Variants in LRP1B observed in about 807,000 individuals in gnomAD.
LRP1B encodes the protein low-density lipoprotein receptor-related protein 1B.
LRP1B carries 217 observed loss-of-function variants against 556.6 expected under a neutral mutation model. The ratio of observed to expected loss-of-function variants is 0.39; its 90% CI spans 0.35 to 0.44. LRP1B has a LOEUF of 0.44. LRP1B is among the 20% of genes least tolerant of loss of function. The pLI, the probability that LRP1B is intolerant of heterozygous loss-of-function variation, is 1.00. For missense variants in LRP1B, 5,053 were observed against 5,620.8 expected, an observed-to-expected ratio of 0.90 and a Z score of 3.23; for synonymous variants, 2,047 against 1,865.8, an observed-to-expected ratio of 1.10 and a Z score of -2.50.
intron 3 of LRP1B, among the ~76,000 whole-genome samples, chr2:141,473,551 G>GACCTACCAT (rs1559090934): frequency 6.6e-6 from 1 of 152,120 alleles, no homozygotes; most frequent in African/African-American, 2.4e-5. Flanking sequence ...CCTTACACCT[G>GACCTACCAT]AGATAGGCTT....
chr2:140,737,879 C>T (rs74646058), intron 35 of LRP1B, among the ~76,000 whole-genome samples: 1 of 152,294 alleles, frequency 6.6e-6, no homozygotes, highest in African/African-American at 2.4e-5. Flanking sequence ...GCAGCTGCTA[C>T]GCCAGATGAG....
chr2:141,744,822 T>C (rs1363718569), intron 2 of LRP1B, among the ~76,000 whole-genome samples: 1 of 152,174 alleles, frequency 6.6e-6, no homozygotes, highest in Non-Finnish European at 1.5e-5. Context: ...GGCTTGTTTG[T>C]ACCCATCCTT....
chr2:140,349,365 T>G (rs1468525253), intron 77 of LRP1B, among the ~76,000 whole-genome samples: 3 of 151,984 alleles, frequency 2.0e-5, no homozygotes, highest in Non-Finnish European at 4.4e-5. Context: ...GCAAAGAACA[T>G]TTTGCCAATT....
intron 1 of LRP1B, among the ~76,000 whole-genome samples, chr2:141,927,605 T>C (rs914201121): frequency 3.3e-5 from 5 of 152,064 alleles, no homozygotes; most frequent in Admixed American, 6.6e-5. Context: ...AAGCTTCCAT[T>C]TTTCTATGCT....
At chr2:140,690,415 A>G (rs991377428) in intron 41 of LRP1B, among the ~76,000 whole-genome samples, 2 of 151,568 alleles carry the variant, frequency 1.3e-5, no homozygotes, top group African/African-American at 4.8e-5. Context: ...GGCTCCTTGT[A>G]CATGCAAAGA....
intron 43 of LRP1B, among the ~76,000 whole-genome samples, chr2:140,554,852 GTA>G (rs1482030215): frequency 9.3e-5 from 12 of 129,098 alleles, no homozygotes; most frequent in Non-Finnish European, 1.5e-4. Flanking sequence ...TAAAGTGTGT[GTA>G]TGTGTGTGTG....
At chr2:141,333,063 A>G (rs1687716370) in intron 3 of LRP1B, among the ~76,000 whole-genome samples, 1 of 152,098 alleles carries the variant, frequency 6.6e-6, no homozygotes, top group Non-Finnish European at 1.5e-5. Flanking sequence ...CCACAAATAT[A>G]ACATTTTATT....
chr2:140,886,731 C>T (rs72990106), intron 23 of LRP1B, among the ~76,000 whole-genome samples: 2 of 152,092 alleles, frequency 1.3e-5, no homozygotes, highest in African/African-American at 4.8e-5. Context: ...AACTAACTAT[C>T]CCATACTAAC....
chr2:141,846,643 C>T (rs544260760), intron 1 of LRP1B, among the ~76,000 whole-genome samples: 1 of 151,254 alleles, frequency 6.6e-6, no homozygotes, highest in Non-Finnish European at 1.5e-5. Flanking sequence ...CGTTTTAAAA[C>T]CAATATAGTG....
chr2:141,895,097 T>A (rs72850833), intron 1 of LRP1B, among the ~76,000 whole-genome samples: 1 of 149,450 alleles, frequency 6.7e-6, no homozygotes, highest in Non-Finnish European at 1.5e-5. Flanking sequence ...CTAACTTATA[T>A]ATAATTTTGA....
chr2:140,573,372 A>G (rs1681402577), intron 43 of LRP1B, among the ~76,000 whole-genome samples: 1 of 151,938 alleles, frequency 6.6e-6, no homozygotes, highest in Non-Finnish European at 1.5e-5. Context: ...TCTTCATTAT[A>G]ACTAAAAGAA....
intron 1 of LRP1B, among the ~76,000 whole-genome samples, chr2:141,982,203 A>C (rs1211870835): frequency 2.6e-5 from 4 of 152,188 alleles, no homozygotes; most frequent in African/African-American, 9.7e-5. Context: ...GTAGGTGGAG[A>C]CAATGTCTTA....
At chr2:141,908,100 A>G (rs1189467767) in intron 1 of LRP1B, among the ~76,000 whole-genome samples, 1 of 152,072 alleles carries the variant, frequency 6.6e-6, no homozygotes, top group Non-Finnish European at 1.5e-5. Context: ...TTATGGAAAC[A>G]CGTAAAGGGG....
intron 7 of LRP1B, among the ~76,000 whole-genome samples, chr2:141,165,083 G>A (rs904026430): frequency 3.2e-4 from 49 of 151,908 alleles, no homozygotes; most frequent in Admixed American, 2.6e-3. Context: ...GATAGCTCTC[G>A]TTTAAAACAA....
At chr2:141,996,893 A>G (rs77151366) in intron 1 of LRP1B, among the ~76,000 whole-genome samples, 23 of 152,304 alleles carry the variant, frequency 1.5e-4, no homozygotes, top group Non-Finnish European at 2.9e-4. Context: ...GCTCTTTGCT[A>G]TCTTGACTCA....
At chr2:140,590,675 T>A (rs116367239) in intron 43 of LRP1B, among the ~76,000 whole-genome samples, 6,178 of 151,982 alleles carry the variant, frequency 0.041, 175 homozygotes, top group Middle Eastern at 0.082. Flanking sequence ...AAAGAGGCCC[T>A]CACCAACCTG....
intron 2 of LRP1B, among the ~76,000 whole-genome samples, chr2:141,604,609 T>G (rs138624989): frequency 1.1e-3 from 169 of 152,254 alleles, no homozygotes; most frequent in Non-Finnish European, 8.4e-4. Flanking sequence ...TACCTACCTT[T>G]CCCTAACTGG....
At chr2:141,480,159 TTGTGTGTGTGTG>T (rs5834837) in intron 3 of LRP1B, among the ~76,000 whole-genome samples, 11,799 of 149,914 alleles carry the variant, frequency 0.079, 538 homozygotes, top group African/African-American at 0.12. Flanking sequence ...AAGTCTAAAT[TTGTGTGTGTGTG>T]TGTGTGTGTG....
chr2:141,772,700 G>A (rs973783653), intron 2 of LRP1B, among the ~76,000 whole-genome samples: 1 of 152,152 alleles, frequency 6.6e-6, no homozygotes, highest in Non-Finnish European at 1.5e-5. Flanking sequence ...CTCTCAATCT[G>A]GAATACTCAT....
Sources: allele counts gnomAD v4.1 joint callset (sites outside exome capture counted in the v4.1 genomes callset), GRCh38; gene constraint gnomAD v4.1.1; transcripts MANE v1.5; gene names NCBI Gene and HGNC (gene_info 2026-07-23, HGNC 2026-07-21).